Variants in WDR1 observed in about 807,000 individuals in gnomAD.
WDR1 encodes the protein WD repeat domain 1.
Under a neutral mutation model 71.9 loss-of-function variants are expected in WDR1, and 21 were observed. The ratio of observed to expected loss-of-function variants is 0.29; its 90% confidence interval spans 0.21 to 0.42. The LOEUF (loss-of-function observed/expected upper bound fraction) is 0.42, where lower values mean the gene tolerates loss of function less well. Among genes scored for constraint, WDR1 ranks in the 10% least tolerant of loss-of-function variants. WDR1 has a pLI of 1.00. For missense variants in WDR1, 696 were observed against 824.5 expected (o/e 0.84, Z 1.91); for synonymous variants, 424 against 347.4 (o/e 1.22, Z -2.45).
rs181856199 is a variant in WDR1 at position 10,087,856 on chromosome 4, C to T, written c.802G>A (p.Val268Met). ...GAGCCCATGGGAAATGTGCTGACCA[C>T]GGAGTTCACGCTGACGTCCCAAATC... ...SKIWDVSVNSVVSTFPMGSTV... is the reference protein window; with the variant it reads ...SKIWDVSVNSMVSTFPMGSTV... Residue 268 changes from valine (V) to methionine (M), a missense_variant, in exon 8 of 15, where the codon GTG (valine) becomes ATG (methionine). Val to Met is a conservative substitution (Grantham distance 21). Coordinates refer to ENST00000499869, the MANE Select transcript of WDR1 (RefSeq NM_017491.5). The T allele has an allele frequency of 2.4e-4, 372 of 1,572,634 alleles. No homozygotes were observed. Among genetic ancestry groups the T allele is most frequent in the Admixed American group, 8.2e-4 (44 of 53,646 alleles).
chr4:10,111,977 C>T (rs1268694919), intron 2 of WDR1, among the ~76,000 whole-genome samples: 2 of 152,064 alleles, frequency 1.3e-5, no homozygotes, highest in South Asian at 2.1e-4. Flanking sequence ...CTTTAAAAAC[C>T]AGGCCCCAAA....
rs573868560 is a variant in WDR1 at position 10,099,732 on chromosome 4, A to G, written c.230-593T>C. Among the ~76,000 whole-genome samples, 16 of 152,356 alleles carry G rather than the reference A, an allele frequency of 1.1e-4. No homozygotes were observed. In the South Asian group the frequency reaches 3.3e-3, roughly 32 times the overall value. ...ACCGGGCTTCCTGTGCAGCTTCCCA[A>G]CAGCGTGCTGCTGCCTGGCAAATCA... On this transcript the variant is annotated intron_variant, in intron 3 of 14. Coordinates refer to ENST00000499869, the MANE Select transcript of WDR1 (RefSeq NM_017491.5).
At chr4:10,114,017 T>G (rs1713554100) in intron 2 of WDR1, among the ~76,000 whole-genome samples, 1 of 152,206 alleles carries the variant, frequency 6.6e-6, no homozygotes, top group Non-Finnish European at 1.5e-5. Flanking sequence ...TCATCCTTCC[T>G]GAACGGTCAT....
chr4:10,079,172 C>T (rs2109636763), intron 11 of WDR1, among the ~76,000 whole-genome samples, 171 bp from the exon 12 acceptor site: 1 of 152,322 alleles, frequency 6.6e-6, no homozygotes, highest in Non-Finnish European at 1.5e-5. Flanking sequence ...GACTCATGTC[C>T]CGTTTGACAG....
At chr4:10,095,114 C>T (rs533618784) in intron 5 of WDR1, among the ~76,000 whole-genome samples, 2 of 152,174 alleles carry the variant, frequency 1.3e-5, no homozygotes, top group Admixed American at 6.5e-5. Flanking sequence ...AAGACAGGCC[C>T]GAGTTGCCAC....
chr4:10,084,826 C>A (rs189304172), intron 8 of WDR1, among the ~76,000 whole-genome samples: 1 of 152,246 alleles, frequency 6.6e-6, no homozygotes, highest in Non-Finnish European at 1.5e-5. Flanking sequence ...AGGCCCAGCA[C>A]GTCAGCACCT....
intron 10 of WDR1, among the ~76,000 whole-genome samples, chr4:10,082,731 G>A (rs1214715256): frequency 6.6e-6 from 1 of 152,240 alleles, no homozygotes; most frequent in Non-Finnish European, 1.5e-5. Flanking sequence ...GACACAGGGA[G>A]AGACCGCAGC....
chr4:10,110,174 C>T (rs73212870), intron 2 of WDR1, among the ~76,000 whole-genome samples: 3 of 152,042 alleles, frequency 2.0e-5, no homozygotes, highest in African/African-American at 7.3e-5. Context: ...GCAAGGTGAC[C>T]AAAGCTAAGG....
chr4:10,088,613 G>T, intron 6 of WDR1, 51 bp downstream of exon 6: 1 of 1,482,000 alleles, frequency 6.7e-7, no homozygotes, highest in South Asian at 1.2e-5. Context: ...AGCAGTCACG[G>T]GAGCAGGCAG....
chr4:10,113,253 C>T (rs565036262), intron 2 of WDR1, among the ~76,000 whole-genome samples: 3 of 152,176 alleles, frequency 2.0e-5, no homozygotes, highest in East Asian at 1.9e-4. Flanking sequence ...CCCCACTACT[C>T]GGGAGGCTGA....
At chr4:10,075,688 CCT>C in intron 14 of WDR1, 1 of 597,816 alleles carries the variant, frequency 1.7e-6, no homozygotes, top group Non-Finnish European at 3.0e-6. Flanking sequence ...GGGCCGGGTA[CCT>C]CTTTTTTGTG....
intron 12 of WDR1, chr4:10,078,681 T>G: frequency 2.0e-6 from 1 of 510,696 alleles, no homozygotes. Context: ...GTGGGGGAAG[T>G]GCCGAGGAGG....
chr4:10,113,219 G>C (rs1434192504), intron 2 of WDR1, among the ~76,000 whole-genome samples: 1 of 152,138 alleles, frequency 6.6e-6, no homozygotes, highest in Non-Finnish European at 1.5e-5. Flanking sequence ...AAATTAGCCA[G>C]GTGAATTGGC....
chr4:10,116,614 C>A (rs1157456045), intron 1 of WDR1, 37 bp downstream of exon 1: 4 of 1,205,758 alleles, frequency 3.3e-6, no homozygotes, highest in Middle Eastern at 6.4e-4. Flanking sequence ...CGGGGCAGCG[C>A]GGCGGCCGCT....
chr4:10,113,001 G>A (rs1258257133), intron 2 of WDR1, among the ~76,000 whole-genome samples: 1 of 152,206 alleles, frequency 6.6e-6, no homozygotes, highest in Admixed American at 6.5e-5. Flanking sequence ...ACAGAAGGCC[G>A]GGGATGGAAA....
intron 14 of WDR1, chr4:10,076,353 G>GA (rs1397843493): frequency 6.6e-6 from 1 of 152,326 alleles, no homozygotes; most frequent in African/African-American, 2.4e-5. Context: ...TCCAGATGCA[G>GA]AACTCAACTA....
intron 5 of WDR1, among the ~76,000 whole-genome samples, chr4:10,095,059 G>T (rs919459730): frequency 6.6e-6 from 1 of 152,234 alleles, no homozygotes; most frequent in Admixed American, 6.5e-5. Flanking sequence ...CCTGGTCCCG[G>T]CCACAGGGGG....
chr4:10,086,454 A>G lies in WDR1; in HGVS notation c.951+1253T>C, dbSNP rs535949418. On this transcript the variant is annotated intron_variant, in intron 8 of 14. Coordinates refer to ENST00000499869, the MANE Select transcript of WDR1 (RefSeq NM_017491.5). ...TGAGCGTTGAGGTGACCTGGTCCGT[A>G]GGAGTCACACACACAACGTTAACGA... 2.0e-5 allele frequency among the ~76,000 whole-genome samples: 3 copies of G among 152,338 alleles called. No individual in the cohort carries two copies. The South Asian group carries it at 6.2e-4, about 32-fold the overall frequency.
At chr4:10,098,824 T>C (rs536957963) in intron 4 of WDR1, among the ~76,000 whole-genome samples, 168 bp downstream of exon 4, 83 of 152,168 alleles carry the variant, frequency 5.5e-4, no homozygotes, top group Non-Finnish European at 7.6e-4. Flanking sequence ...GAGTTCTACC[T>C]TACCTGGGGC....
Sources: gnomAD v4.1 joint callset for allele counts (sites outside exome capture counted in the v4.1 genomes callset) on GRCh38, gnomAD v4.1.1 for gene constraint, MANE v1.5 for transcripts, NCBI Gene and HGNC (gene_info 2026-07-23, HGNC 2026-07-21) for gene names.